The following SH3RF2 variants were observed in gnomAD, a reference collection of about 807,000 sequenced individuals.
SH3RF2 encodes SH3 domain containing ring finger 2, also known as E3 ubiquitin-protein ligase SH3RF2.
SH3RF2 carries 43 observed loss-of-function variants against 59.0 expected under a neutral mutation model. The ratio of observed to expected loss-of-function variants is 0.73; its 90% CI spans 0.57 to 0.94. The LOEUF is 0.94. SH3RF2 is among the 40% of genes least tolerant of loss of function. SH3RF2 has a pLI of 0.00. For synonymous variants in SH3RF2, 391 were observed against 391.5 expected, an observed-to-expected ratio of 1.00 and a Z score of 0.01; for missense variants, 930 against 940.1, an observed-to-expected ratio of 0.99 and a Z score of 0.14.
chr5:146,027,893 G>A (rs1179899998), intron 5 of SH3RF2, among the ~76,000 whole-genome samples: 3 of 152,260 alleles, frequency 2.0e-5, no homozygotes, highest in Non-Finnish European at 4.4e-5. Context: ...CAACCTCCCC[G>A]AGGTCCTCGG....
intron 2 of SH3RF2, among the ~76,000 whole-genome samples, chr5:145,957,242 T>C (rs1337484192): frequency 6.6e-6 from 1 of 152,144 alleles, no homozygotes; most frequent in African/African-American, 2.4e-5. Flanking sequence ...AAAATATTGT[T>C]AATATATAAA....
At chr5:145,978,137 G>A (rs1759365137) in intron 2 of SH3RF2, among the ~76,000 whole-genome samples, 1 of 152,052 alleles carries the variant, frequency 6.6e-6, no homozygotes, top group Admixed American at 6.6e-5. Flanking sequence ...CAAGAAACTG[G>A]GATTCCGATT....
chr5:145,939,091 A>T (rs4913052), intron 2 of SH3RF2, among the ~76,000 whole-genome samples: 15,176 of 152,260 alleles, frequency 0.1, 1,084 homozygotes, highest in East Asian at 0.26. Context: ...CACCCCGAGG[A>T]CTTTATCTGA....
chr5:145,940,502 G>GT (rs2149937717), intron 2 of SH3RF2, among the ~76,000 whole-genome samples: 1 of 152,274 alleles, frequency 6.6e-6, no homozygotes, highest in South Asian at 2.1e-4. Context: ...GCCACAGTCT[G>GT]TTTAGAGAGT....
At chr5:145,958,796 T>TG (rs1758515061) in intron 2 of SH3RF2, among the ~76,000 whole-genome samples, 1 of 152,160 alleles carries the variant, frequency 6.6e-6, no homozygotes, top group Non-Finnish European at 1.5e-5. Context: ...ATCAGTTTGC[T>TG]GGGCTTGGGT....
intron 4 of SH3RF2, among the ~76,000 whole-genome samples, chr5:146,006,604 AAAAG>A (rs1180628913): frequency 6.6e-6 from 1 of 152,122 alleles, no homozygotes; most frequent in African/African-American, 2.4e-5. Flanking sequence ...AGCCAGGGGA[AAAAG>A]GAAGTACCAG....
rs757577938 is a variant in SH3RF2 at position 146,013,802 on chromosome 5, G to C, written c.800G>C (p.Arg267Pro). The change falls in exon 5 of 10, where the codon CGC becomes CCC. Residue 267 changes from arginine to proline, a missense_variant. Coordinates refer to ENST00000359120, the MANE Select transcript of SH3RF2 (RefSeq NM_152550.4). ...AAGAACAAAGGTCGCCAGTCATCCCGCACAAAAAACCTGTCCCTGGTGTCC... is the reference window on the plus strand; with the variant it reads ...AAGAACAAAGGTCGCCAGTCATCCCCCACAAAAAACCTGTCCCTGGTGTCC... ...LEKNKGRQSS[R>P]TKNLSLVSSS... is the part of the protein sequence containing the mutation. 1.2e-6 allele frequency: 2 copies of C among 1,613,926 alleles called. No individual in the cohort carries two copies. Among genetic ancestry groups the C allele is most frequent in the African/African-American group, 2.7e-5 (2 of 74,868 alleles).
chr5:146,059,755 T>G, intron 8 of SH3RF2, 111 bp from the exon 9 acceptor site: 4 of 732,744 alleles, frequency 5.5e-6, no homozygotes, highest in Non-Finnish European at 8.4e-6. Context: ...GCAGTCAGAT[T>G]AGGAAAGCGC....
At chr5:146,039,390 T>C (rs1054947436) in intron 5 of SH3RF2, among the ~76,000 whole-genome samples, 2 of 151,736 alleles carry the variant, frequency 1.3e-5, no homozygotes, top group Non-Finnish European at 2.9e-5. Context: ...TAGAACTCCA[T>C]AATTTAATAC....
intron 9 of SH3RF2, among the ~76,000 whole-genome samples, chr5:146,074,154 C>T (rs13170424): frequency 4.0e-5 from 6 of 151,478 alleles, no homozygotes; most frequent in African/African-American, 1.2e-4. Flanking sequence ...ATTCTCCTGC[C>T]TCAGCCTCCC....
At chr5:146,069,701 G>A (rs1763188965) in intron 9 of SH3RF2, among the ~76,000 whole-genome samples, 1 of 152,062 alleles carries the variant, frequency 6.6e-6, no homozygotes, top group Non-Finnish European at 1.5e-5. Flanking sequence ...ACCCCCACAA[G>A]TAGCTGGGAC....
At chr5:145,937,799 C>G in intron 1 of SH3RF2, 24 bp from the exon 2 acceptor site, 97 of 1,035,886 alleles carry the variant, frequency 9.4e-5, no homozygotes, top group Non-Finnish European at 1.2e-4. Flanking sequence ...ATTTTTTTTT[C>G]TCTCCTCTCC....
intron 2 of SH3RF2, among the ~76,000 whole-genome samples, chr5:145,948,789 C>A (rs115077987): frequency 0.012 from 1,764 of 152,302 alleles, 35 homozygotes; most frequent in African/African-American, 0.04. Flanking sequence ...TCCGCAGGTT[C>A]CCAGTCTCCA....
chr5:145,978,934 G>A (rs1226407608), intron 2 of SH3RF2, among the ~76,000 whole-genome samples: 1 of 152,086 alleles, frequency 6.6e-6, no homozygotes, highest in Non-Finnish European at 1.5e-5. Context: ...CTAAATGGGG[G>A]CCAACTGGAG....
At chr5:145,955,357 T>C (rs890864804) in intron 2 of SH3RF2, among the ~76,000 whole-genome samples, 1 of 152,064 alleles carries the variant, frequency 6.6e-6, no homozygotes, top group African/African-American at 2.4e-5. Flanking sequence ...AAACATTGGG[T>C]ACTCATGGTC....
At chr5:145,979,804 GTATT>G (rs1342185171) in intron 2 of SH3RF2, among the ~76,000 whole-genome samples, 1 of 152,128 alleles carries the variant, frequency 6.6e-6, no homozygotes. Context: ...CTTTTATTGA[GTATT>G]TATATCTATC....
chr5:146,047,751 C>G, intron 5 of SH3RF2, 21 bp from the exon 6 acceptor site: 1 of 1,612,286 alleles, frequency 6.2e-7, no homozygotes. Context: ...TTCTGCTTGG[C>G]TGTCTTTTCT....
At chr5:145,996,055 G>GT (rs1760134943) in intron 2 of SH3RF2, among the ~76,000 whole-genome samples, 1 of 152,158 alleles carries the variant, frequency 6.6e-6, no homozygotes, top group African/African-American at 2.4e-5. Context: ...TGTTCCTGTG[G>GT]TTTTTTCACC....
chr5:146,028,660 G>A (rs1419727885), intron 5 of SH3RF2, among the ~76,000 whole-genome samples: 1 of 152,226 alleles, frequency 6.6e-6, no homozygotes, highest in Admixed American at 6.5e-5. Flanking sequence ...CAGGGTCAAA[G>A]TTGCCTCCCG....
Sources: gnomAD v4.1 joint callset for allele counts (sites outside exome capture counted in the v4.1 genomes callset) on GRCh38, gnomAD v4.1.1 for gene constraint, MANE v1.5 for transcripts, NCBI Gene and HGNC (gene_info 2026-07-23, HGNC 2026-07-21) for gene names.